The following SGMS1 variants were observed in gnomAD, a reference collection of about 807,000 sequenced individuals.
SGMS1 encodes phosphatidylcholine:ceramide cholinephosphotransferase 1.
A neutral mutation model predicts 46.2 loss-of-function variants in SGMS1; 13 were observed. The observed-to-expected ratio is 0.28, with a 90% confidence interval of 0.18 to 0.45. The LOEUF (loss-of-function observed/expected upper bound fraction) is 0.45. Among genes scored for constraint, SGMS1 ranks in the 20% least tolerant of loss-of-function variants. The pLI, the probability that SGMS1 is intolerant of heterozygous loss-of-function variation, is 1.00. For missense variants in SGMS1, 324 were observed against 519.9 expected (o/e 0.62, Z 3.66); for synonymous variants, 203 against 187.8 (o/e 1.08, Z -0.66).
At chr10:50,429,737 ACACATACT>A (rs1233654291) in intron 6 of SGMS1, among the ~76,000 whole-genome samples, 1 of 3,356 alleles carries the variant, frequency 3.0e-4, no homozygotes, top group African/African-American at 1.6e-3. Flanking sequence ...ACACACACAC[ACACATACT>A]CTTTTCTCAT....
intron 9 of SGMS1, among the ~76,000 whole-genome samples, chr10:50,308,350 T>C (rs1379679290): frequency 6.6e-6 from 1 of 152,206 alleles, no homozygotes; most frequent in Non-Finnish European, 1.5e-5. Context: ...ATACTAGTGA[T>C]AGTAATTCAT....
At chr10:50,356,984 G>A (rs964811397) in intron 6 of SGMS1, among the ~76,000 whole-genome samples, 15 of 151,794 alleles carry the variant, frequency 9.9e-5, no homozygotes, top group African/African-American at 3.4e-4. Flanking sequence ...GAGTTAATGG[G>A]TGCAGCATGC....
intron 5 of SGMS1, among the ~76,000 whole-genome samples, 171 bp from the exon 6 acceptor site, chr10:50,433,727 T>C (rs1011823813): frequency 6.6e-6 from 1 of 152,164 alleles, no homozygotes; most frequent in Non-Finnish European, 1.5e-5. Flanking sequence ...GAAAATTACC[T>C]TAAGAGAAAA....
intron 9 of SGMS1, among the ~76,000 whole-genome samples, 194 bp downstream of exon 9, chr10:50,311,068 C>A (rs775388870): frequency 6.6e-6 from 1 of 152,202 alleles, no homozygotes; most frequent in Non-Finnish European, 1.5e-5. Flanking sequence ...ACACCTCGTC[C>A]TCAGGAAGAC....
chr10:50,487,776 T>C (rs1340187319), intron 3 of SGMS1, among the ~76,000 whole-genome samples: 2 of 151,998 alleles, frequency 1.3e-5, no homozygotes, highest in African/African-American at 4.8e-5. Context: ...TTCAGTGCTT[T>C]GTGGAGAGCT....
Position 50,326,295 on chromosome 10 carries a change from T to C in SGMS1, c.741+910A>G, listed in dbSNP as rs370881542. Among the ~76,000 whole-genome samples the C allele has an allele frequency of 3.9e-5, 6 of 152,284 alleles. No homozygotes were observed. The South Asian group carries it at 6.2e-4, about 16-fold the overall frequency. ...AATTAAAGAGATCCAAAATTTCATA[T>C]GATCAAATTAAAAATCCAGAGTGAA... is the stretch of plus-strand genomic sequence containing the variant. On this transcript the variant is annotated intron_variant, in intron 8 of 10. Coordinates refer to ENST00000361781, the MANE Select transcript of SGMS1 (RefSeq NM_147156.4).
intron 6 of SGMS1, among the ~76,000 whole-genome samples, chr10:50,393,110 C>G (rs867506015): frequency 2.0e-5 from 3 of 151,994 alleles, no homozygotes; most frequent in Non-Finnish European, 2.9e-5. Flanking sequence ...CAGCAAGCAG[C>G]TCTTCCCACC....
chr10:50,481,389 A>T (rs964727873), intron 3 of SGMS1, among the ~76,000 whole-genome samples: 1 of 152,194 alleles, frequency 6.6e-6, no homozygotes, highest in African/African-American at 2.4e-5. Flanking sequence ...CAGGTGTGGG[A>T]GGGACTGAGG....
intron 1 of SGMS1, among the ~76,000 whole-genome samples, chr10:50,603,870 A>G (rs1838670869): frequency 6.6e-6 from 1 of 152,226 alleles, no homozygotes; most frequent in African/African-American, 2.4e-5. Flanking sequence ...GACAAGCTAG[A>G]GCATACATAA....
intron 6 of SGMS1, among the ~76,000 whole-genome samples, chr10:50,377,047 T>G (rs191378916): frequency 6.6e-6 from 1 of 152,368 alleles, no homozygotes; most frequent in South Asian, 2.1e-4. Flanking sequence ...TACATTCTAC[T>G]TGCTGATTGT....
rs535961003 is a variant in SGMS1 at position 50,339,988 on chromosome 10, A to G, written c.623+3504T>C. 2.0e-5 allele frequency among the ~76,000 whole-genome samples: 3 copies of G among 152,322 alleles called. No individual in the cohort carries two copies. In the South Asian group the frequency reaches 6.2e-4, roughly 32 times the overall value. The stretch of plus-strand genomic sequence containing the variant: ...AAATAGAAATGGAAAGAAGAAATGG[A>G]TCTAAAATTAGAATGGAAACAACTT... On this transcript the variant is annotated intron_variant, in intron 7 of 10. Coordinates refer to ENST00000361781, the MANE Select transcript of SGMS1 (RefSeq NM_147156.4).
At chr10:50,608,965 T>C (rs1378812290) in intron 1 of SGMS1, among the ~76,000 whole-genome samples, 5 of 152,104 alleles carry the variant, frequency 3.3e-5, no homozygotes, top group African/African-American at 1.2e-4. Flanking sequence ...GCTGGGTAAA[T>C]AGTTGTTATG....
Position 50,385,758 on chromosome 10 carries a change from C to T in SGMS1, c.-231-41413G>A, listed in dbSNP as rs553259971. Among the ~76,000 whole-genome samples, 433 of 152,282 alleles carry T rather than the reference C, an allele frequency of 2.8e-3. 3 individuals carry two copies. Among genetic ancestry groups the T allele is most frequent in the Admixed American group, 7.4e-3 (113 of 15,294 alleles). Reference sequence around the variant, plus strand: ...ACCTTGGCCGTGTGACAGCCAATGGCATGTCTCTCTTGTTTCATTTTATTT... The same window carrying T: ...ACCTTGGCCGTGTGACAGCCAATGGTATGTCTCTCTTGTTTCATTTTATTT... On this transcript the variant is annotated intron_variant, in intron 6 of 10. Coordinates refer to ENST00000361781, the MANE Select transcript of SGMS1 (RefSeq NM_147156.4).
intron 6 of SGMS1, among the ~76,000 whole-genome samples, chr10:50,403,025 G>A (rs1043700548): frequency 6.6e-6 from 1 of 152,142 alleles, no homozygotes; most frequent in African/African-American, 2.4e-5. Flanking sequence ...ATGGCCCCCA[G>A]TTCCACCCAA....
intron 3 of SGMS1, among the ~76,000 whole-genome samples, chr10:50,492,947 T>G (rs1006331014): frequency 1.3e-5 from 2 of 152,184 alleles, no homozygotes; most frequent in Non-Finnish European, 2.9e-5. Flanking sequence ...CTTCTCCTTC[T>G]TTGGCCTTTT....
At chr10:50,532,761 C>G (rs1435134944) in intron 2 of SGMS1, among the ~76,000 whole-genome samples, 5 of 152,182 alleles carry the variant, frequency 3.3e-5, no homozygotes, top group African/African-American at 1.2e-4. Flanking sequence ...GTTTTTAGGT[C>G]TTTAGCCGTA....
chr10:50,355,606 G>A (rs898422265), intron 6 of SGMS1, among the ~76,000 whole-genome samples: 2 of 152,172 alleles, frequency 1.3e-5, no homozygotes, highest in African/African-American at 2.4e-5. Flanking sequence ...GTGCAGTGGC[G>A]TGATCTCGGC....
intron 7 of SGMS1, among the ~76,000 whole-genome samples, chr10:50,336,363 T>C (rs149176602): frequency 6.6e-6 from 1 of 152,342 alleles, no homozygotes; most frequent in African/African-American, 2.4e-5. Flanking sequence ...TCAGTGGTCT[T>C]AAGTGCAGAA....
intron 2 of SGMS1, among the ~76,000 whole-genome samples, chr10:50,574,785 A>G (rs1055754206): frequency 6.6e-6 from 1 of 152,000 alleles, no homozygotes; most frequent in Admixed American, 6.6e-5. Flanking sequence ...TACCGTAGGA[A>G]GATGTTGAAT....
Sources: gnomAD v4.1 joint callset for allele counts (sites outside exome capture counted in the v4.1 genomes callset) on GRCh38, gnomAD v4.1.1 for gene constraint, MANE v1.5 for transcripts, NCBI Gene and HGNC (gene_info 2026-07-23, HGNC 2026-07-21) for gene names.